ZNF385D: variants seen among roughly 807,000 people sequenced by gnomAD.
ZNF385D encodes zinc finger protein 385D.
ZNF385D carries 15 observed loss-of-function variants against 35.8 expected under a neutral mutation model. The observed-to-expected ratio is 0.42, with a 90% confidence interval of 0.28 to 0.64. ZNF385D has a LOEUF of 0.64. ZNF385D is among the 30% of genes least tolerant of loss of function. ZNF385D has a pLI of 0.23. For missense variants in ZNF385D, 474 were observed against 494.6 expected, an observed-to-expected ratio of 0.96 and a Z score of 0.39; for synonymous variants, 212 against 186.8, an observed-to-expected ratio of 1.13 and a Z score of -1.10.
intron 3 of ZNF385D, among the ~76,000 whole-genome samples, chr3:21,961,228 T>A (rs994275478): frequency 6.6e-6 from 1 of 152,068 alleles, no homozygotes; most frequent in African/African-American, 2.4e-5. Flanking sequence ...AGAAAATAAT[T>A]TTTAAATGAA....
intron 3 of ZNF385D, among the ~76,000 whole-genome samples, chr3:21,943,247 G>A (rs898188799): frequency 6.6e-6 from 1 of 151,488 alleles, no homozygotes; most frequent in Non-Finnish European, 1.5e-5. Context: ...AATACTAAAT[G>A]GATATATTCA....
chr3:21,699,105 TAG>T (rs2067577186), intron 1 of ZNF385D, among the ~76,000 whole-genome samples: 1 of 152,128 alleles, frequency 6.6e-6, no homozygotes, highest in African/African-American at 2.4e-5. Context: ...CCATCAATGA[TAG>T]ACTGGATAAA....
At chr3:21,970,208 T>G (rs1274136520) in intron 3 of ZNF385D, among the ~76,000 whole-genome samples, 1 of 152,130 alleles carries the variant, frequency 6.6e-6, no homozygotes, top group Non-Finnish European at 1.5e-5. Context: ...AAAACGTGAC[T>G]TCACCAAATG....
At chr3:22,217,081 C>G (rs1484282403) in intron 2 of ZNF385D, among the ~76,000 whole-genome samples, 5 of 151,998 alleles carry the variant, frequency 3.3e-5, no homozygotes, top group Non-Finnish European at 5.9e-5. Flanking sequence ...TTGGCCTTAA[C>G]CTATAGGTAA....
chr3:21,783,974 T>G (rs1172776753), intron 3 of ZNF385D, among the ~76,000 whole-genome samples: 4 of 152,144 alleles, frequency 2.6e-5, no homozygotes, highest in Non-Finnish European at 1.5e-5. Flanking sequence ...CAGAGATTTC[T>G]TTTTTCTTTT....
intron 3 of ZNF385D, among the ~76,000 whole-genome samples, chr3:21,768,477 GCTTCAAA>G (rs1406898734): frequency 1.3e-5 from 2 of 151,798 alleles, no homozygotes; most frequent in African/African-American, 4.8e-5. Context: ...TCTATTGAAG[GCTTCAAA>G]CTTCCAGGAG....
chr3:21,820,043 A>G (rs2073336170), intron 3 of ZNF385D, among the ~76,000 whole-genome samples: 2 of 151,386 alleles, frequency 1.3e-5, no homozygotes, highest in South Asian at 4.2e-4. Flanking sequence ...AGCATATAAA[A>G]AACAGTAAGA....
chr3:22,065,159 G>C (rs902787533), intron 3 of ZNF385D, among the ~76,000 whole-genome samples: 5 of 152,156 alleles, frequency 3.3e-5, no homozygotes, highest in African/African-American at 1.2e-4. Flanking sequence ...GAGAGAGTGT[G>C]GAGTTAGTAA....
chr3:21,814,247 G>A (rs1490953860), intron 3 of ZNF385D, among the ~76,000 whole-genome samples: 3 of 152,264 alleles, frequency 2.0e-5, no homozygotes, highest in African/African-American at 7.2e-5. Context: ...GCAAAAATAT[G>A]CCAAATTGTA....
At chr3:21,625,161 A>C (rs1357702890) in intron 2 of ZNF385D, among the ~76,000 whole-genome samples, 1 of 152,092 alleles carries the variant, frequency 6.6e-6, no homozygotes, top group Non-Finnish European at 1.5e-5. Context: ...GGTACTAAGG[A>C]TATCACCTAA....
At chr3:21,917,806 A>G (rs888889951) in intron 3 of ZNF385D, among the ~76,000 whole-genome samples, 1 of 152,194 alleles carries the variant, frequency 6.6e-6, no homozygotes, top group Non-Finnish European at 1.5e-5. Flanking sequence ...ACTCAGAGCT[A>G]TGCTTTTTCT....
At chr3:21,886,440 G>C (rs759556398) in intron 3 of ZNF385D, among the ~76,000 whole-genome samples, 9 of 151,890 alleles carry the variant, frequency 5.9e-5, no homozygotes, top group Non-Finnish European at 8.8e-5. Context: ...TTCTGCATTT[G>C]ACATCCTTTC....
intron 3 of ZNF385D, among the ~76,000 whole-genome samples, chr3:21,760,334 G>A (rs1201586373): frequency 6.6e-6 from 1 of 152,156 alleles, no homozygotes; most frequent in Non-Finnish European, 1.5e-5. Flanking sequence ...AATTCATCTT[G>A]CTGTCACTTC....
intron 3 of ZNF385D, among the ~76,000 whole-genome samples, chr3:22,021,881 G>A (rs1454734760): frequency 6.6e-6 from 1 of 152,028 alleles, no homozygotes; most frequent in Non-Finnish European, 1.5e-5. Flanking sequence ...CCTGCACTTG[G>A]AATGTTTAGA....
At chr3:22,001,567 C>T (rs1251905522) in intron 3 of ZNF385D, among the ~76,000 whole-genome samples, 1 of 151,980 alleles carries the variant, frequency 6.6e-6, no homozygotes, top group Non-Finnish European at 1.5e-5. Flanking sequence ...ACTCTCAGCA[C>T]TAGACAGAAA....
chr3:21,845,970 T>C (rs1472741724), intron 3 of ZNF385D, among the ~76,000 whole-genome samples: 1 of 152,028 alleles, frequency 6.6e-6, no homozygotes, highest in Non-Finnish European at 1.5e-5. Context: ...TGTAAAGTAC[T>C]TAAAGCATGC....
intron 2 of ZNF385D, among the ~76,000 whole-genome samples, chr3:22,171,938 T>G (rs980112572): frequency 6.8e-6 from 1 of 147,764 alleles, no homozygotes; most frequent in African/African-American, 2.5e-5. Context: ...GTGGCTCAAA[T>G]GGCACTCTCT....
chr3:21,640,705 T>C (rs564434966), intron 2 of ZNF385D, among the ~76,000 whole-genome samples: 38 of 152,220 alleles, frequency 2.5e-4, no homozygotes, highest in African/African-American at 7.9e-4. Context: ...GTGATAAATG[T>C]CTGGTGTTTA....
At chr3:22,285,526 ATAACTT>A (rs1701979972) in intron 2 of ZNF385D, among the ~76,000 whole-genome samples, 1 of 151,346 alleles carries the variant, frequency 6.6e-6, no homozygotes, top group Admixed American at 6.6e-5. Context: ...CACTTATTCA[ATAACTT>A]TATTTATTTT....
Sources: allele counts gnomAD v4.1 joint callset (sites outside exome capture counted in the v4.1 genomes callset), GRCh38; gene constraint gnomAD v4.1.1; transcripts MANE v1.5; gene names NCBI Gene and HGNC (gene_info 2026-07-23, HGNC 2026-07-21).